PINX1: variants seen among roughly 807,000 people sequenced by gnomAD.
PINX1 encodes PIN2/TERF1-interacting telomerase inhibitor 1.
PINX1 carries 34 observed loss-of-function variants against 25.4 expected under a neutral mutation model. The observed-to-expected ratio is 1.34, with a 90% confidence interval of 1.02 to 1.78. The LOEUF (loss-of-function observed/expected upper bound fraction) is 1.78. Ranked by LOEUF, PINX1 falls within the 40% of genes most tolerant of loss-of-function variation. The pLI is 0.00. For synonymous variants in PINX1, 197 were observed against 147.7 expected, an observed-to-expected ratio of 1.33 and a Z score of -2.42; for missense variants, 592 against 404.9, an observed-to-expected ratio of 1.46 and a Z score of -3.97.
intron 1 of PINX1, among the ~76,000 whole-genome samples, chr8:10,837,653 G>C (rs923411790): frequency 2.6e-5 from 4 of 152,174 alleles, no homozygotes; most frequent in African/African-American, 9.7e-5. Context: ...CCTATGTGGA[G>C]ATCTAACTGT....
At chr8:10,801,859 T>A (rs999364653) in intron 6 of PINX1, among the ~76,000 whole-genome samples, 1 of 152,160 alleles carries the variant, frequency 6.6e-6, no homozygotes, top group Non-Finnish European at 1.5e-5. Context: ...GGAACCTCCA[T>A]CGCTGACCAC....
chr8:10,815,519 A>G (rs1454171120), intron 6 of PINX1, among the ~76,000 whole-genome samples: 4 of 152,232 alleles, frequency 2.6e-5, no homozygotes, highest in Non-Finnish European at 4.4e-5. Context: ...GAAGACTTTT[A>G]AATGCATAGT....
At chr8:10,825,361 G>C (rs751018555) in intron 5 of PINX1, 1 of 534,768 alleles carries the variant, frequency 1.9e-6, no homozygotes, top group South Asian at 1.4e-5. Context: ...ACCATCAACA[G>C]AGACTAGATA....
intron 6 of PINX1, among the ~76,000 whole-genome samples, chr8:10,799,151 TC>T (rs1802182962): frequency 6.6e-6 from 1 of 152,180 alleles, no homozygotes; most frequent in African/African-American, 2.4e-5. Flanking sequence ...ATTTTTTTTT[TC>T]AGTGTATTTG....
intron 2 of PINX1, chr8:10,833,439 G>T: frequency 6.4e-6 from 1 of 157,146 alleles, no homozygotes; most frequent in South Asian, 1.8e-4. Flanking sequence ...ACAGCAAATG[G>T]GCCAGAGGAG....
intron 6 of PINX1, among the ~76,000 whole-genome samples, chr8:10,775,410 G>GTTTTTTTTTTTTTT (rs143926728): frequency 1.8e-5 from 2 of 109,614 alleles, no homozygotes; most frequent in African/African-American, 3.2e-5. Context: ...CTGTTTTGTG[G>GTTTTTTTTTTTTTT]TTTTTTTTTT....
At chr8:10,771,919 G>A (rs73662622) in intron 6 of PINX1, among the ~76,000 whole-genome samples, 1,888 of 152,214 alleles carry the variant, frequency 0.012, 51 homozygotes, top group African/African-American at 0.042. Context: ...GTTCCTTCCT[G>A]GCCCTTAGCA....
chr8:10,765,902 G>A lies in PINX1; in HGVS notation c.486C>T (p.Pro162=), dbSNP rs1801026324. The A allele has an allele frequency of 1.9e-6, 3 of 1,613,748 alleles. No homozygotes were observed. The highest frequency in any genetic ancestry group is 4.5e-5 in the East Asian group (2 of 44,884). ...TGGTTTCGTTCTCCTCTGGAGTGGA[G>A]GGACTGGCATCGCCCTATGGTGGGC... The part of the protein sequence containing the change: ...SKKTPEGDAS[P]STPEENETTT... Residue 162 remains proline, a synonymous_variant, in exon 7 of 7, where the codon CCC becomes CCT. Coordinates refer to ENST00000314787, the MANE Select transcript of PINX1 (RefSeq NM_017884.6).
intron 6 of PINX1, among the ~76,000 whole-genome samples, chr8:10,797,024 G>C (rs1802104780): frequency 6.6e-6 from 1 of 151,986 alleles, no homozygotes; most frequent in African/African-American, 2.4e-5. Flanking sequence ...AGAAGAAACA[G>C]CCCCACAGCT....
chr8:10,789,878 T>C (rs1320519805), intron 6 of PINX1, among the ~76,000 whole-genome samples: 1 of 152,204 alleles, frequency 6.6e-6, no homozygotes, highest in African/African-American at 2.4e-5. Flanking sequence ...TAATGTACTA[T>C]GTACAGGTCA....
chr8:10,835,579 TCTTAA>T (rs1218722923), intron 1 of PINX1, among the ~76,000 whole-genome samples: 7 of 152,230 alleles, frequency 4.6e-5, no homozygotes, highest in Admixed American at 6.5e-5. Context: ...CTTATCTGTT[TCTTAA>T]CATCCACTGT....
At chr8:10,781,681 A>C (rs1436738323) in intron 6 of PINX1, among the ~76,000 whole-genome samples, 4 of 152,226 alleles carry the variant, frequency 2.6e-5, no homozygotes, top group Admixed American at 2.6e-4. Flanking sequence ...AAAAGATAAG[A>C]GATAATAAGT....
chr8:10,804,833 G>T (rs1478634006), intron 6 of PINX1, among the ~76,000 whole-genome samples: 14 of 151,688 alleles, frequency 9.2e-5, no homozygotes, highest in African/African-American at 2.9e-4. Context: ...AATGTGCTTA[G>T]TGCTTGTACT....
intron 6 of PINX1, among the ~76,000 whole-genome samples, chr8:10,802,828 G>A (rs962308001): frequency 1.3e-5 from 2 of 152,184 alleles, no homozygotes; most frequent in African/African-American, 4.8e-5. Context: ...ATTCTCCTGG[G>A]ACAACTATCT....
Position 10,839,769 on chromosome 8 carries a change from G to C in PINX1, c.-13C>G. The C allele has an allele frequency of 4.4e-6, 7 of 1,601,832 alleles. No homozygotes were observed. The highest frequency in any genetic ancestry group is 6.0e-6 in the Non-Finnish European group (7 of 1,174,114). ...CCAGCATAGACATGTCGGAGAGCCTGTGATACCGCCGCCTCTGGACCTGGG... is the reference window on the plus strand; with the variant it reads ...CCAGCATAGACATGTCGGAGAGCCTCTGATACCGCCGCCTCTGGACCTGGG... On this transcript the variant is annotated 5_prime_UTR_variant, in exon 1 of 7. Transcript: ENST00000314787.
intron 6 of PINX1, among the ~76,000 whole-genome samples, chr8:10,809,027 G>C (rs951057999): frequency 2.6e-5 from 4 of 152,204 alleles, no homozygotes; most frequent in African/African-American, 4.8e-5. Context: ...CTCAAGCCGA[G>C]AGCCATGTCA....
intron 1 of PINX1, among the ~76,000 whole-genome samples, chr8:10,838,345 A>T (rs1798467734): frequency 6.6e-6 from 1 of 152,278 alleles, no homozygotes; most frequent in African/African-American, 2.4e-5. Flanking sequence ...AATTTGGAAT[A>T]ACGTTGGGAA....
At chr8:10,789,735 C>T (rs1042040429) in intron 6 of PINX1, among the ~76,000 whole-genome samples, 4 of 152,150 alleles carry the variant, frequency 2.6e-5, no homozygotes, top group Non-Finnish European at 5.9e-5. Context: ...TTGTCCGTAT[C>T]CGATGACCCT....
intron 1 of PINX1, among the ~76,000 whole-genome samples, chr8:10,837,536 G>T (rs1798438299): frequency 1.3e-5 from 2 of 152,202 alleles, no homozygotes; most frequent in South Asian, 4.1e-4. Flanking sequence ...CCCTTGACAC[G>T]ATCTGGAACA....
Sources: gnomAD v4.1 joint callset for allele counts (sites outside exome capture counted in the v4.1 genomes callset) on GRCh38, gnomAD v4.1.1 for gene constraint, MANE v1.5 for transcripts, NCBI Gene and HGNC (gene_info 2026-07-23, HGNC 2026-07-21) for gene names.